Variants in LOC128092253 observed in about 807,000 individuals in gnomAD.
the LOC128092253 span, among the ~76,000 whole-genome samples, chr6:133,956,562 CCAT>C: frequency 0.14 from 21,691 of 152,004 alleles, 1,971 homozygotes; most frequent in African/African-American, 0.27. Flanking sequence ...GTATGAGTAG[CCAT>C]CATCATATTG....
chr6:133,964,755 G>A, the LOC128092253 span, among the ~76,000 whole-genome samples: 1 of 152,068 alleles, frequency 6.6e-6, no homozygotes, highest in South Asian at 2.1e-4. Context: ...GCCGAACTCT[G>A]TTTTATTTTC....
chr6:133,972,515 T>C, the LOC128092253 span, among the ~76,000 whole-genome samples: 1 of 152,212 alleles, frequency 6.6e-6, no homozygotes, highest in Non-Finnish European at 1.5e-5. Flanking sequence ...GTAAATATTT[T>C]AGGCTTGTGG....
the LOC128092253 span, among the ~76,000 whole-genome samples, chr6:133,976,990 A>G: frequency 6.6e-6 from 1 of 152,034 alleles, no homozygotes; most frequent in Admixed American, 6.6e-5. Flanking sequence ...AAAGAAAAAA[A>G]AGAAATTGAG....
chr6:133,963,837 T>C, the LOC128092253 span, among the ~76,000 whole-genome samples: 1 of 149,064 alleles, frequency 6.7e-6, no homozygotes, highest in Admixed American at 6.7e-5. Context: ...GAGACCATCC[T>C]GGCTAACGTG....
chr6:133,959,127 C>T, the LOC128092253 span, among the ~76,000 whole-genome samples: 1 of 152,024 alleles, frequency 6.6e-6, no homozygotes, highest in Admixed American at 6.5e-5. Context: ...GCAACTTCGG[C>T]TTCCCAGGTT....
chr6:133,974,515 G>A, the LOC128092253 span, among the ~76,000 whole-genome samples: 1 of 152,162 alleles, frequency 6.6e-6, no homozygotes, highest in Non-Finnish European at 1.5e-5. Context: ...TGTATTTTTA[G>A]ACGGGGTTTC....
chr6:133,955,724 T>A, the LOC128092253 span, among the ~76,000 whole-genome samples: 20 of 152,216 alleles, frequency 1.3e-4, no homozygotes, highest in African/African-American at 4.3e-4. Context: ...GGTCACTTTT[T>A]AAAAAAGTAT....
chr6:133,979,773 A>G, the LOC128092253 span, among the ~76,000 whole-genome samples: 1 of 151,948 alleles, frequency 6.6e-6, no homozygotes, highest in Non-Finnish European at 1.5e-5. Context: ...CAGCCTCCCT[A>G]GTAGCTGGGA....
the LOC128092253 span, among the ~76,000 whole-genome samples, chr6:133,956,608 T>A: frequency 3.7e-4 from 57 of 152,320 alleles, no homozygotes; most frequent in African/African-American, 1.1e-3. Flanking sequence ...ATTTTGAAGA[T>A]TACGTTGTTA....
At chr6:133,955,344 C>G in the LOC128092253 span, among the ~76,000 whole-genome samples, 1 of 151,438 alleles carries the variant, frequency 6.6e-6, no homozygotes, top group Non-Finnish European at 1.5e-5. Flanking sequence ...CCCCAATACT[C>G]CCAACTTTGG....
chr6:133,957,360 A>G, the LOC128092253 span, among the ~76,000 whole-genome samples: 1 of 152,220 alleles, frequency 6.6e-6, no homozygotes, highest in African/African-American at 2.4e-5. Flanking sequence ...TTCTTAGGAC[A>G]TATGTGGATG....
chr6:133,965,680 A>G, the LOC128092253 span, among the ~76,000 whole-genome samples: 1 of 151,896 alleles, frequency 6.6e-6, no homozygotes, highest in African/African-American at 2.4e-5. Context: ...CAGATACATC[A>G]AAGTTGTATT....
the LOC128092253 span, among the ~76,000 whole-genome samples, chr6:133,965,995 C>G: frequency 6.6e-6 from 1 of 152,188 alleles, no homozygotes; most frequent in African/African-American, 2.4e-5. Context: ...AACTTACCCA[C>G]AGTCATATGG....
At chr6:133,971,801 T>G in the LOC128092253 span, among the ~76,000 whole-genome samples, 1 of 152,194 alleles carries the variant, frequency 6.6e-6, no homozygotes, top group African/African-American at 2.4e-5. Context: ...CTGAGTTGGT[T>G]GAATTTCATA....
At chr6:133,963,551 G>A in the LOC128092253 span, among the ~76,000 whole-genome samples, 1 of 152,122 alleles carries the variant, frequency 6.6e-6, no homozygotes, top group African/African-American at 2.4e-5. Flanking sequence ...CTCCTGAGTA[G>A]CTGGGCCTAT....
chr6:133,970,882 GT>G, the LOC128092253 span, among the ~76,000 whole-genome samples: 1 of 152,208 alleles, frequency 6.6e-6, no homozygotes, highest in South Asian at 2.1e-4. Flanking sequence ...CAGATTTGTT[GT>G]ATAGTGATCA....
the LOC128092253 span, among the ~76,000 whole-genome samples, chr6:133,967,017 G>A: frequency 5.9e-5 from 9 of 152,272 alleles, no homozygotes; most frequent in African/African-American, 2.2e-4. Context: ...ACGTGGCATA[G>A]AAGGCATGAT....
the LOC128092253 span, among the ~76,000 whole-genome samples, chr6:133,973,683 A>G: frequency 6.6e-6 from 1 of 152,216 alleles, no homozygotes. Flanking sequence ...CTTGTACACA[A>G]AATCTTTGAG....
At chr6:133,978,847 CTTA>C in the LOC128092253 span, among the ~76,000 whole-genome samples, 4 of 152,068 alleles carry the variant, frequency 2.6e-5, no homozygotes, top group African/African-American at 9.7e-5. Flanking sequence ...AATTTGAATC[CTTA>C]TTATAAAGAA....
Sources: allele counts gnomAD v4.1 joint callset (sites outside exome capture counted in the v4.1 genomes callset), GRCh38; gene constraint gnomAD v4.1.1; transcripts MANE v1.5.